Variants in PRKAR2B observed in about 807,000 individuals in gnomAD.
The protein encoded by PRKAR2B is protein kinase cAMP-dependent type II regulatory subunit beta.
PRKAR2B carries 14 observed loss-of-function variants against 49.9 expected under a neutral mutation model. The observed-to-expected ratio is 0.28, with a 90% CI of 0.19 to 0.44. The LOEUF is 0.44. PRKAR2B is among the 20% of genes least tolerant of loss of function. The probability of loss-of-function intolerance (pLI) is 1.00; values close to 1 mark genes in which losing one functional copy is unlikely to be tolerated. For missense variants in PRKAR2B, 393 were observed against 537.9 expected, an observed-to-expected ratio of 0.73 and a Z score of 2.67; for synonymous variants, 196 against 197.7, an observed-to-expected ratio of 0.99 and a Z score of 0.07.
rs1793653871 is a variant in PRKAR2B, at chr7:107,044,764, C to T, written c.-144C>T. On this transcript the variant is annotated 5_prime_UTR_variant, in exon 1 of 11. Transcript: ENST00000265717. ...CGCCGGGAGCCGCGGGCCGGGCCAG[C>T]CGGGCCGCCGGGGCCCAGTGCGCCG... is the stretch of plus-strand genomic sequence containing the variant. 3 of 346,998 alleles carry T rather than the reference C, an allele frequency of 8.6e-6. No homozygotes were observed. Among genetic ancestry groups the T allele is most frequent in the South Asian group, 2.1e-4 (2 of 9,466 alleles). 21.5% of individuals were successfully genotyped at this position (346,998 alleles called of 1,614,324 possible).
chr7:107,136,608 A>G lies in PRKAR2B; in HGVS notation c.481-4239A>G, dbSNP rs140824571. 5.2e-3 allele frequency among the ~76,000 whole-genome samples: 797 copies of G among 152,334 alleles called. 5 individuals carry two copies. Among genetic ancestry groups the G allele is most frequent in the Non-Finnish European group, 7.5e-3 (513 of 68,024 alleles). On this transcript the variant is annotated intron_variant, in intron 4 of 10. Coordinates refer to ENST00000265717, the MANE Select transcript of PRKAR2B (RefSeq NM_002736.3). ...AAATGCAACTTAAAACAGCAATGAG[A>G]TAGTACTACACATCTATTAGAATGG...
At chr7:107,075,618 T>C (rs1794381547) in intron 2 of PRKAR2B, among the ~76,000 whole-genome samples, 1 of 152,120 alleles carries the variant, frequency 6.6e-6, no homozygotes, top group African/African-American at 2.4e-5. Context: ...CAGGCTCATC[T>C]TGAACTCTCG....
intron 10 of PRKAR2B, among the ~76,000 whole-genome samples, chr7:107,157,593 G>T (rs531973007): frequency 6.6e-6 from 1 of 152,270 alleles, no homozygotes; most frequent in East Asian, 1.9e-4. Context: ...CAAGTACCAC[G>T]TTTTATATGG....
intron 2 of PRKAR2B, among the ~76,000 whole-genome samples, chr7:107,078,740 T>C (rs1419674048): frequency 2.0e-5 from 3 of 152,208 alleles, no homozygotes; most frequent in African/African-American, 7.2e-5. Context: ...GAGTCTCTGG[T>C]TCTTTTTTGT....
chr7:107,142,767 G>GTT (rs570447845), intron 5 of PRKAR2B, among the ~76,000 whole-genome samples: 1 of 150,638 alleles, frequency 6.6e-6, no homozygotes, highest in Non-Finnish European at 1.5e-5. Context: ...AAGATTTTTT[G>GTT]TTTGTTTTTT....
intron 2 of PRKAR2B, among the ~76,000 whole-genome samples, chr7:107,075,980 G>A (rs963289199): frequency 6.6e-6 from 1 of 152,080 alleles, no homozygotes; most frequent in Non-Finnish European, 1.5e-5. Flanking sequence ...TTAAGACAGT[G>A]CCTTGCATCA....
At chr7:107,153,655 C>T (rs1981696) in intron 8 of PRKAR2B, among the ~76,000 whole-genome samples, 127,891 of 152,140 alleles carry the variant, frequency 0.84, 53,942 homozygotes, top group East Asian at 0.93. Context: ...GAAAGGAACA[C>T]ACTGCAACAT....
At chr7:107,151,827 G>A (rs1369214366) in intron 7 of PRKAR2B, among the ~76,000 whole-genome samples, 1 of 152,140 alleles carries the variant, frequency 6.6e-6, no homozygotes, top group African/African-American at 2.4e-5. Context: ...CTCAAAATTA[G>A]AAGTATAGTT....
intron 2 of PRKAR2B, among the ~76,000 whole-genome samples, chr7:107,086,599 T>C (rs557594498): frequency 6.6e-6 from 1 of 152,174 alleles, no homozygotes; most frequent in East Asian, 1.9e-4. Flanking sequence ...AAGCTGGGAC[T>C]ACAGGTGTGC....
chr7:107,117,759 G>T (rs983916266), intron 2 of PRKAR2B, among the ~76,000 whole-genome samples: 5 of 152,060 alleles, frequency 3.3e-5, no homozygotes, highest in African/African-American at 7.2e-5. Context: ...CACATGAAAA[G>T]GTTGAGGGCC....
intron 2 of PRKAR2B, among the ~76,000 whole-genome samples, chr7:107,116,955 G>GTATA (rs58330688): frequency 2.0e-3 from 284 of 142,574 alleles, no homozygotes; most frequent in African/African-American, 7.2e-3. Context: ...GTGTGTGTGT[G>GTATA]TATATATATA....
chr7:107,103,935 T>A (rs775967125), intron 2 of PRKAR2B, among the ~76,000 whole-genome samples: 3 of 152,262 alleles, frequency 2.0e-5, no homozygotes, highest in Non-Finnish European at 4.4e-5. Context: ...TTATTCCCTT[T>A]TAGAGCTTCA....
At chr7:107,108,669 T>A (rs1170748414) in intron 2 of PRKAR2B, among the ~76,000 whole-genome samples, 1 of 152,210 alleles carries the variant, frequency 6.6e-6, no homozygotes, top group African/African-American at 2.4e-5. Flanking sequence ...TCACCAGGAA[T>A]GATGATTGGC....
chr7:107,116,763 A>G lies in PRKAR2B; in HGVS notation c.344-5189A>G, dbSNP rs74774954. Among the ~76,000 whole-genome samples the G allele has an allele frequency of 3.7e-3, 563 of 151,984 alleles. 4 individuals are homozygous for G. The highest frequency in any genetic ancestry group is 0.013 in the African/African-American group (536 of 41,462). On this transcript the variant is annotated intron_variant, in intron 2 of 10. Coordinates refer to ENST00000265717, the MANE Select transcript of PRKAR2B (RefSeq NM_002736.3). ...AAGAGCATTACTAATGGATGAGAACAGGTCTATACCAAATTACCTGGGCAG... is the reference window on the plus strand; with the variant it reads ...AAGAGCATTACTAATGGATGAGAACGGGTCTATACCAAATTACCTGGGCAG...
At chr7:107,094,091 T>A (rs1220436979) in intron 2 of PRKAR2B, among the ~76,000 whole-genome samples, 3 of 152,230 alleles carry the variant, frequency 2.0e-5, no homozygotes, top group Non-Finnish European at 4.4e-5. Context: ...CGCCACACTG[T>A]CTTCCACAAC....
chr7:107,092,918 C>T (rs1860805), intron 2 of PRKAR2B, among the ~76,000 whole-genome samples: 17,281 of 152,158 alleles, frequency 0.11, 1,127 homozygotes, highest in Middle Eastern at 0.17. Context: ...AACATTCTTT[C>T]TGTCTCTTTG....
intron 2 of PRKAR2B, among the ~76,000 whole-genome samples, chr7:107,097,852 G>A (rs1778917960): frequency 6.6e-6 from 1 of 152,118 alleles, no homozygotes; most frequent in Admixed American, 6.5e-5. Context: ...TTCTCTTCTG[G>A]CTTGTAGAGT....
intron 2 of PRKAR2B, among the ~76,000 whole-genome samples, chr7:107,098,997 T>C (rs1011679807): frequency 2.0e-5 from 3 of 152,202 alleles, no homozygotes; most frequent in African/African-American, 7.2e-5. Flanking sequence ...CTGTCCATTC[T>C]CAGATCTCAA....
chr7:107,124,783 A>AT lies in PRKAR2B; in HGVS notation c.396+2791dup, dbSNP rs879582672. Among the ~76,000 whole-genome samples, 851 of 147,454 alleles carry AT rather than the reference A, an allele frequency of 5.8e-3. 6 individuals carry two copies. Among genetic ancestry groups the AT allele is most frequent in the African/African-American group, 0.013 (541 of 40,606 alleles). On this transcript the variant is annotated intron_variant, in intron 3 of 10. Transcript: ENST00000265717. ...ACCTTACTTGTTAACTGTTTTTCTA[A>AT]TTTTTTTTTTTTAATGGAAAGGCAG...
Sources: gnomAD v4.1 joint callset for allele counts (sites outside exome capture counted in the v4.1 genomes callset) on GRCh38, gnomAD v4.1.1 for gene constraint, MANE v1.5 for transcripts, NCBI Gene and HGNC (gene_info 2026-07-23, HGNC 2026-07-21) for gene names.